Variants in SHCBP1 observed in about 807,000 individuals in gnomAD.
SHCBP1 encodes SHC SH2 domain-binding protein 1.
A neutral mutation model predicts 75.1 loss-of-function variants in SHCBP1; 60 were observed. The observed-to-expected ratio is 0.80, with a 90% CI of 0.65 to 0.99. The LOEUF is 0.99. SHCBP1 is among the 50% of genes least tolerant of loss of function. The probability of loss-of-function intolerance (pLI) is 0.00; values close to 1 mark genes in which losing one functional copy is unlikely to be tolerated. For synonymous variants in SHCBP1, 290 were observed against 293.2 expected (o/e 0.99, Z 0.11); for missense variants, 709 against 809.4 (o/e 0.88, Z 1.50).
chr16:46,599,669 TAAAA>T (rs1555519115), intron 9 of SHCBP1, among the ~76,000 whole-genome samples, 158 bp downstream of exon 9: 7 of 23,136 alleles, frequency 3.0e-4, no homozygotes, highest in African/African-American at 6.7e-4. Flanking sequence ...CTTCAATTTG[TAAAA>T]AAAAAAAAAA....
In SHCBP1 at chr16:46,592,951, C is replaced by CAAAAAAATAAAAAAAAAAAAA. The variant is rs1965070253; in HGVS notation, c.1464+2600_1464+2601insTTTTTTTTTTTTTATTTTTTT. Among the ~76,000 whole-genome samples the CAAAAAAATAAAAAAAAAAAAA allele has an allele frequency of 8.8e-5, 2 of 22,778 alleles. 1 individual carries two copies. The highest frequency in any genetic ancestry group is 1.6e-4 in the Non-Finnish European group (2 of 12,160). 14.9% of individuals were successfully genotyped at this position (22,778 alleles called of 152,430 possible). ...AACATCCACTTATGATAAAAATTCT[C>CAAAAAAATAAAAAAAAAAAAA]AAAAAAAAAAAAAAAAAAAAAAAAA... On this transcript the variant is annotated intron_variant, in intron 10 of 12. Transcript: ENST00000303383.
chr16:46,594,286 T>A (rs189607392), intron 10 of SHCBP1, among the ~76,000 whole-genome samples: 89 of 152,108 alleles, frequency 5.9e-4, no homozygotes, highest in African/African-American at 1.9e-3. Flanking sequence ...TAAAAGGCCA[T>A]ATGAAGAAGG....
Position 46,618,373 on chromosome 16 carries a change from C to CT in SHCBP1, c.104-2dup. The CT allele has an allele frequency of 6.3e-7, 1 of 1,575,290 alleles. No individual in the cohort carries two copies. Among genetic ancestry groups the CT allele is most frequent in the Non-Finnish European group, 8.6e-7 (1 of 1,166,354 alleles). On this transcript the variant is annotated splice_acceptor_variant, in intron 1 of 12. Coordinates refer to ENST00000303383, the MANE Select transcript of SHCBP1 (RefSeq NM_024745.5). LOFTEE classifies it high-confidence loss of function. ...CATGAATCTTCATCTTGGAACAAAC[C>CT]TAAAAAAAAAAAGCAAAAATAAGCA...
chr16:46,597,632 T>C (rs1965164045), intron 9 of SHCBP1, among the ~76,000 whole-genome samples: 1 of 152,228 alleles, frequency 6.6e-6, no homozygotes, highest in South Asian at 2.1e-4. Flanking sequence ...TCAATGTTGA[T>C]GGCTGCTTAC....
intron 1 of SHCBP1, among the ~76,000 whole-genome samples, chr16:46,619,150 C>T: frequency 6.6e-6 from 1 of 152,158 alleles, no homozygotes; most frequent in East Asian, 1.9e-4. Context: ...ATGCAAATCA[C>T]ATTAGGTTTG....
At chr16:46,589,470 G>A (rs1422557898) in intron 10 of SHCBP1, among the ~76,000 whole-genome samples, 3 of 152,178 alleles carry the variant, frequency 2.0e-5, no homozygotes, top group Non-Finnish European at 4.4e-5. Context: ...AGCAACTTCA[G>A]CAAAGTCTCA....
chr16:46,583,373 TG>T (rs1196259596), intron 12 of SHCBP1, 142 bp downstream of exon 12: 1 of 803,140 alleles, frequency 1.2e-6, no homozygotes, highest in Non-Finnish European at 1.9e-6. Flanking sequence ...TATGACTTAA[TG>T]TTACCAAGCT....
At chr16:46,590,687 G>A (rs1401171038) in intron 10 of SHCBP1, among the ~76,000 whole-genome samples, 1 of 152,212 alleles carries the variant, frequency 6.6e-6, no homozygotes, top group Non-Finnish European at 1.5e-5. Context: ...GAGAGGATGT[G>A]GAGAAATAGG....
At chr16:46,585,204 A>C (rs1964938344) in intron 10 of SHCBP1, among the ~76,000 whole-genome samples, 1 of 152,206 alleles carries the variant, frequency 6.6e-6, no homozygotes, top group Admixed American at 6.5e-5. Context: ...TCATGTAGCA[A>C]GTGAAAGTCA....
chr16:46,616,282 A>G lies in SHCBP1; in HGVS notation c.388-128T>C, dbSNP rs1965499171. 1 of 835,530 alleles carries G rather than the reference A, an allele frequency of 1.2e-6. No homozygotes were observed. The highest frequency in any genetic ancestry group is 1.9e-6 in the Non-Finnish European group (1 of 527,762). The allele number at this position is 835,530 out of a possible 1,614,324, so 51.8% of individuals were successfully genotyped here. A position where few individuals can be genotyped will look rare whatever the true frequency, so the allele number is the denominator to read the frequency against. ...GTGGGGAGGCTTTACCCATAATATA[A>G]AGGATGAACAAGACAGGCTGCCTCT... On this transcript the variant is annotated intron_variant, in intron 3 of 12. Coordinates refer to ENST00000303383, the MANE Select transcript of SHCBP1 (RefSeq NM_024745.5). This position sits in a 1 kb window ranked among gnomAD's most constrained non-coding sequence, Gnocchi z 4.4.
intron 9 of SHCBP1, among the ~76,000 whole-genome samples, chr16:46,596,221 C>T (rs1444427843): frequency 2.0e-5 from 3 of 152,048 alleles, no homozygotes; most frequent in Admixed American, 1.3e-4. Flanking sequence ...AAATAATTTT[C>T]TAGGCCGCAT....
At chr16:46,592,951 C>CAA in intron 10 of SHCBP1, among the ~76,000 whole-genome samples, 355 of 22,772 alleles carry the variant, frequency 0.016, 40 homozygotes, top group Admixed American at 0.029. Context: ...TAAAAATTCT[C>CAA]AAAAAAAAAA....
In SHCBP1 at chr16:46,581,362, C is replaced by A. The variant is rs1456758423; in HGVS notation, c.*367G>T. The A allele has an allele frequency of 4.7e-6, 1 of 214,866 alleles. No individual in the cohort carries two copies. Among genetic ancestry groups the A allele is most frequent in the Non-Finnish European group, 9.3e-6 (1 of 107,682 alleles). 13.3% of individuals were successfully genotyped at this position (214,866 alleles called of 1,614,324 possible). A position where few individuals can be genotyped will look rare whatever the true frequency, so the allele number is the denominator to read the frequency against. ...TAAGAAGAATGCTGTACATATGACA[C>A]CTATTGCATTTTTATGCACTAGTCT... On this transcript the variant is annotated 3_prime_UTR_variant, in exon 13 of 13. Transcript: ENST00000303383.
At chr16:46,599,304 T>C (rs1418052475) in intron 9 of SHCBP1, among the ~76,000 whole-genome samples, 1 of 152,152 alleles carries the variant, frequency 6.6e-6, no homozygotes, top group East Asian at 1.9e-4. Context: ...GACATGTGAC[T>C]CTTCCTTTCA....
At chr16:46,608,515 A>G (rs914739158) in intron 4 of SHCBP1, 126 bp from the exon 5 acceptor site, 2 of 633,890 alleles carry the variant, frequency 3.2e-6, no homozygotes, top group Admixed American at 2.6e-5. Context: ...CATATTTGCT[A>G]TGGTTGATAG....
intron 5 of SHCBP1, among the ~76,000 whole-genome samples, chr16:46,605,645 T>C (rs1395414098): frequency 1.3e-5 from 2 of 152,090 alleles, no homozygotes; most frequent in East Asian, 3.9e-4. Flanking sequence ...TCCAGACCAA[T>C]TAAATGGGTC....
At chr16:46,601,768 C>T (rs1206258259) in intron 8 of SHCBP1, among the ~76,000 whole-genome samples, 2 of 152,108 alleles carry the variant, frequency 1.3e-5, no homozygotes, top group South Asian at 2.1e-4. Flanking sequence ...AAAAGAATTG[C>T]ATATTGAGAA....
intron 4 of SHCBP1, 54 bp from the exon 5 acceptor site, chr16:46,608,443 A>T: frequency 8.2e-7 from 1 of 1,217,674 alleles, no homozygotes; most frequent in South Asian, 1.2e-5. Context: ...AAACATTAGG[A>T]TTTTGGAGGG....
Position 46,603,997 on chromosome 16 carries a change from C to A in SHCBP1, c.1070G>T (p.Gly357Val), listed in dbSNP as rs1338611903. Reference sequence around the variant, plus strand: ...TACCTGAATTTCTCTTTCTTCCTCACCAGGCTCCTGGCAAAGCCTGTCCGT... The same window carrying A: ...TACCTGAATTTCTCTTTCTTCCTCAACAGGCTCCTGGCAAAGCCTGTCCGT... ...LLTDRLCQEPGEEEREIQFHS... is the reference protein window; with the variant it reads ...LLTDRLCQEPVEEEREIQFHS... Residue 357 changes from glycine to valine, a missense_variant, in exon 7 of 13, where the codon GGT (glycine) becomes GTT (valine). Transcript: ENST00000303383. The A allele has an allele frequency of 6.2e-7, 1 of 1,611,728 alleles. No homozygotes were observed. The highest frequency in any genetic ancestry group is 8.5e-7 in the Non-Finnish European group (1 of 1,179,472).
Sources: gnomAD v4.1 joint callset for allele counts (sites outside exome capture counted in the v4.1 genomes callset) on GRCh38, gnomAD v4.1.1 for gene constraint, Gnocchi (gnomAD v3.1) non-coding constraint, MANE v1.5 for transcripts, NCBI Gene and HGNC (gene_info 2026-07-23, HGNC 2026-07-21) for gene names.